GPM6A: variants seen among roughly 807,000 people sequenced by gnomAD.
GPM6A encodes the protein neuronal membrane glycoprotein M6-a.
Under a neutral mutation model 32.1 loss-of-function variants are expected in GPM6A, and 7 were observed. That is an observed-to-expected ratio of 0.22 (90% CI 0.12 to 0.41). GPM6A has a LOEUF of 0.41. GPM6A is among the 10% of genes least tolerant of loss of function. GPM6A has a pLI of 1.00. For missense variants in GPM6A, 235 were observed against 347.2 expected, an observed-to-expected ratio of 0.68 and a Z score of 2.57; for synonymous variants, 130 against 123.4, an observed-to-expected ratio of 1.05 and a Z score of -0.35.
chr4:175,877,060 A>C (rs1381698511), intron 1 of GPM6A, among the ~76,000 whole-genome samples: 2 of 152,158 alleles, frequency 1.3e-5, no homozygotes, highest in Non-Finnish European at 2.9e-5. Context: ...TGGAAGAAAT[A>C]CACCTGATGA....
intron 1 of GPM6A, among the ~76,000 whole-genome samples, chr4:175,885,722 C>T (rs1737430128): frequency 6.6e-6 from 1 of 152,294 alleles, no homozygotes; most frequent in South Asian, 2.1e-4. Context: ...ACATTTGCAT[C>T]ACCATGTTCA....
At chr4:175,943,401 A>C (rs994636328) in intron 1 of GPM6A, among the ~76,000 whole-genome samples, 5 of 152,198 alleles carry the variant, frequency 3.3e-5, no homozygotes, top group African/African-American at 4.8e-5. Context: ...CCTGGCCAGA[A>C]CTTCCAATAC....
chr4:175,800,080 G>C (rs1011627900), intron 1 of GPM6A, among the ~76,000 whole-genome samples: 2 of 152,058 alleles, frequency 1.3e-5, no homozygotes, highest in Non-Finnish European at 2.9e-5. Context: ...ATGATCCTGA[G>C]AGTACAATAT....
At chr4:175,733,384 T>C (rs1731516124) in intron 1 of GPM6A, among the ~76,000 whole-genome samples, 1 of 152,086 alleles carries the variant, frequency 6.6e-6, no homozygotes, top group Non-Finnish European at 1.5e-5. Context: ...CCGCCTATAG[T>C]CCAAGCTACT....
chr4:175,706,719 T>C (rs564240039), intron 1 of GPM6A, among the ~76,000 whole-genome samples: 2 of 152,078 alleles, frequency 1.3e-5, no homozygotes, highest in East Asian at 3.9e-4. Flanking sequence ...AGGGGCTGGG[T>C]GAAATAAGGC....
intron 1 of GPM6A, among the ~76,000 whole-genome samples, chr4:175,780,851 T>A (rs1182853174): frequency 6.6e-6 from 1 of 152,206 alleles, no homozygotes; most frequent in Non-Finnish European, 1.5e-5. Flanking sequence ...TATTATATTT[T>A]ATTGGATGAA....
intron 1 of GPM6A, among the ~76,000 whole-genome samples, chr4:175,878,483 C>A (rs1163977428): frequency 6.6e-6 from 1 of 152,176 alleles, no homozygotes; most frequent in East Asian, 1.9e-4. Context: ...ACAGGCCCAA[C>A]ACCACATGTA....
chr4:175,751,781 T>C (rs951858416), intron 1 of GPM6A, among the ~76,000 whole-genome samples: 1 of 152,064 alleles, frequency 6.6e-6, no homozygotes, highest in Non-Finnish European at 1.5e-5. Flanking sequence ...TTTTTTGGTT[T>C]GTTTGTTTGT....
chr4:175,867,624 T>C (rs1156935814), intron 1 of GPM6A, among the ~76,000 whole-genome samples: 1 of 152,204 alleles, frequency 6.6e-6, no homozygotes, highest in Non-Finnish European at 1.5e-5. Context: ...GCCATTGATC[T>C]ATTTCTATTT....
intron 1 of GPM6A, among the ~76,000 whole-genome samples, chr4:175,732,024 T>G (rs1217316669): frequency 6.8e-6 from 1 of 146,454 alleles, no homozygotes; most frequent in African/African-American, 2.5e-5. Flanking sequence ...TGGAGTGCAG[T>G]GGCTCAATCT....
chr4:175,782,178 A>G (rs1031503947), intron 1 of GPM6A, among the ~76,000 whole-genome samples: 15 of 152,124 alleles, frequency 9.9e-5, no homozygotes, highest in African/African-American at 3.4e-4. Flanking sequence ...AAATTTTCCC[A>G]TTATCTAACC....
chr4:175,812,184 A>C lies in GPM6A; in HGVS notation c.37+7T>G. ...TTAGTTACAAATAAACGCTTTTAGCACAGTACCTTTTTGTGTCTGTCCCTC... is the reference window on the plus strand; with the variant it reads ...TTAGTTACAAATAAACGCTTTTAGCCCAGTACCTTTTTGTGTCTGTCCCTC... On this transcript the variant is annotated splice_region_variant and intron_variant, in intron 1 of 6. Coordinates refer to ENST00000393658, the MANE Select transcript of GPM6A (RefSeq NM_201591.3). 1 of 1,578,188 alleles carries C rather than the reference A, an allele frequency of 6.3e-7. No homozygotes were observed. The highest frequency in any genetic ancestry group is 8.7e-7 in the Non-Finnish European group (1 of 1,152,396).
chr4:175,892,135 C>T (rs1306291255), intron 1 of GPM6A, among the ~76,000 whole-genome samples: 1 of 152,190 alleles, frequency 6.6e-6, no homozygotes, highest in African/African-American at 2.4e-5. Context: ...TTTACATTCT[C>T]AAGAACAAAA....
At chr4:175,654,567 A>T (rs1741974938) in intron 3 of GPM6A, among the ~76,000 whole-genome samples, 1 of 152,154 alleles carries the variant, frequency 6.6e-6, no homozygotes. Context: ...AGTCTTATAG[A>T]ATAAAGGAAT....
rs191823192 is a variant in GPM6A at position 175,791,378 on chromosome 4, T to C, written c.37+20813A>G. Among the ~76,000 whole-genome samples the C allele has an allele frequency of 8.8e-4, 134 of 152,266 alleles. 1 individual carries two copies. In the East Asian group the frequency reaches 0.023, roughly 26 times the overall value. On this transcript the variant is annotated intron_variant, in intron 1 of 6. Transcript: ENST00000393658. ...GGAACTCTAGCACCACTCCTTAGCA[T>C]TGCAAATAGGAAAATTAAGGTCTCA...
chr4:175,962,444 G>A (rs1740197008), intron 1 of GPM6A: 2 of 686,116 alleles, frequency 2.9e-6, no homozygotes, highest in South Asian at 1.4e-5. Context: ...ACCAACCTAG[G>A]ACAATAAGGC....
At chr4:175,765,153 G>T (rs970486149) in intron 1 of GPM6A, among the ~76,000 whole-genome samples, 1 of 152,154 alleles carries the variant, frequency 6.6e-6, no homozygotes, top group South Asian at 2.1e-4. Flanking sequence ...GGGATTACAG[G>T]CTTGAGCCAC....
chr4:175,703,177 T>C (rs1278889306), intron 1 of GPM6A, among the ~76,000 whole-genome samples: 1 of 152,068 alleles, frequency 6.6e-6, no homozygotes, highest in Non-Finnish European at 1.5e-5. Context: ...TTATTACTTT[T>C]GGGGGTGGGT....
At chr4:175,880,441 G>C (rs1047010161) in intron 1 of GPM6A, among the ~76,000 whole-genome samples, 1 of 152,186 alleles carries the variant, frequency 6.6e-6, no homozygotes, top group Non-Finnish European at 1.5e-5. Flanking sequence ...TTGTTAGCTT[G>C]ATGGGGATGG....
Sources: allele counts gnomAD v4.1 joint callset (sites outside exome capture counted in the v4.1 genomes callset), GRCh38; gene constraint gnomAD v4.1.1; transcripts MANE v1.5; gene names NCBI Gene and HGNC (gene_info 2026-07-23, HGNC 2026-07-21).